The following CERS2 variants were observed in gnomAD, a reference collection of about 807,000 sequenced individuals.
The protein encoded by CERS2 is ceramide synthase 2, also known as LAG1 homolog, ceramide synthase 2.
A neutral mutation model predicts 56.6 loss-of-function variants in CERS2; 20 were observed. The ratio of observed to expected loss-of-function variants is 0.35; its 90% CI spans 0.25 to 0.51. CERS2 has a LOEUF of 0.51. CERS2 is among the 20% of genes least tolerant of loss of function. The probability of loss-of-function intolerance (pLI) is 0.96; values close to 1 mark genes in which losing one functional copy is unlikely to be tolerated. For missense variants in CERS2, 361 were observed against 488.6 expected, an observed-to-expected ratio of 0.74 and a Z score of 2.46; for synonymous variants, 187 against 175.4, an observed-to-expected ratio of 1.07 and a Z score of -0.52.
At position 150,968,951 on chromosome 1, in the gene CERS2, A is replaced by T; in HGVS notation, c.140T>A (p.Leu47Ter). ...SDLYITLPLA[L>*]LFLIVRYFFE... Reference sequence around the variant, plus strand: ...GAAGTATCGAACGATGAGGAAGAGCAAGGCCAGGGGCAGCGTGATATAGAG... The same window carrying T: ...GAAGTATCGAACGATGAGGAAGAGCTAGGCCAGGGGCAGCGTGATATAGAG... The change falls in exon 2 of 11, where the codon TTG (leucine) becomes TAG (stop). Residue 47 changes from leucine to a stop codon, truncating the protein, a stop_gained. Coordinates refer to ENST00000368954, the MANE Select transcript of CERS2 (RefSeq NM_022075.5). LOFTEE classifies it high-confidence loss of function. 1 of 1,613,910 alleles carries T rather than the reference A, an allele frequency of 6.2e-7. No homozygotes were observed. Among genetic ancestry groups the T allele is most frequent in the Middle Eastern group, 1.7e-4 (1 of 5,896 alleles).
rs770652690 is a variant in CERS2 at position 150,968,972 on chromosome 1, T to C, written c.119A>G (p.Tyr40Cys). 19 of 1,613,890 alleles carry C rather than the reference T, an allele frequency of 1.2e-5. No homozygotes were observed. Among genetic ancestry groups the C allele is most frequent in the African/African-American group, 9.4e-5 (7 of 74,862 alleles). ...GRVYAKASDL[Y>C]ITLPLALLFL... ...GAGCAAGGCCAGGGGCAGCGTGATA[T>C]AGAGATCTGAGGCTTTGGCGTAGAC... Residue 40 changes from tyrosine (Y) to cysteine (C), a missense_variant, in exon 2 of 11, where the codon TAT (tyrosine) becomes TGT (cysteine). By Grantham distance (194) the Tyr-to-Cys change is radical (BLOSUM62 -2). Transcript: ENST00000368954.
intron 10 of CERS2, 27 bp from the exon 11 acceptor site, chr1:150,966,315 T>C (rs374080024): frequency 5.8e-5 from 94 of 1,610,380 alleles, no homozygotes; most frequent in Admixed American, 1.0e-4. Flanking sequence ...AGAAGGGTTA[T>C]TACATGAGAT....
Position 150,967,397 on chromosome 1 carries a change from G to T in CERS2, c.607C>A (p.Arg203=). 6.3e-7 allele frequency: 1 copy of T among 1,591,214 alleles called. No homozygotes were observed. The highest frequency in any genetic ancestry group is 8.6e-7 in the Non-Finnish European group (1 of 1,159,274). Residue 203 remains arginine (R), a synonymous_variant, in exon 7 of 11, where the codon CGA becomes AGA. Transcript: ENST00000368954. ...TGCACAACCCCTTCACCCACCTTTC[G>T]CTTGACATCAGAGGCAATGCTGAAG... ...LLFSIASDVK[R]KDFKEQIIHH...
chr1:150,968,358 A>G (rs1271566204), intron 3 of CERS2, 37 bp downstream of exon 3: 1 of 1,558,138 alleles, frequency 6.4e-7, no homozygotes, highest in African/African-American at 1.4e-5. Context: ...CACCAAACTC[A>G]GTGATTCCCA....
Position 150,965,859 on chromosome 1 carries a change from G to A in CERS2, c.*289C>T. ...ATGTGAATTGTAACCCCTACCCACAGAGAGCTGAGGGAGGGCCTCAAAAGC... is the reference window on the plus strand; with the variant it reads ...ATGTGAATTGTAACCCCTACCCACAAAGAGCTGAGGGAGGGCCTCAAAAGC... On this transcript the variant is annotated 3_prime_UTR_variant, in exon 11 of 11. Coordinates refer to ENST00000368954, the MANE Select transcript of CERS2 (RefSeq NM_022075.5). The A allele has an allele frequency of 3.0e-6, 1 of 332,080 alleles. No individual in the cohort carries two copies. The highest frequency in any genetic ancestry group is 4.9e-5 in the Admixed American group (1 of 20,562). 20.6% of individuals were successfully genotyped at this position (332,080 alleles called of 1,614,324 possible). A position where few individuals can be genotyped will look rare whatever the true frequency, so the allele number is the denominator to read the frequency against.
At chr1:150,969,658 G>A (rs1174812041) in intron 1 of CERS2, among the ~76,000 whole-genome samples, 1 of 151,816 alleles carries the variant, frequency 6.6e-6, no homozygotes, top group African/African-American at 2.4e-5. Flanking sequence ...TACAACCTCT[G>A]ATTTCGGGGA....
At chr1:150,968,251 A>T in intron 3 of CERS2, 50 bp from the exon 4 acceptor site, 2 of 1,566,728 alleles carry the variant, frequency 1.3e-6, no homozygotes, top group Non-Finnish European at 1.8e-6. Flanking sequence ...GGAACTCAGC[A>T]GCATCCCCAG....
Position 150,966,496 on chromosome 1 carries a change from G to T in CERS2, c.982C>A (p.His328Asn). ...TTCACCTTTCCAGTTATGAACTTGT[G>T]GGCCATGCGCAAAATGAGGTAGGCC... ...FWAYLILRMA[H>N]KFITGKLVED... is the part of the protein sequence containing the mutation. Residue 328 changes from histidine to asparagine, a missense_variant, in exon 10 of 11, where the codon CAC (histidine) becomes AAC (asparagine). By Grantham distance (68) the His-to-Asn change is moderately conservative (BLOSUM62 1). Coordinates refer to ENST00000368954, the MANE Select transcript of CERS2 (RefSeq NM_022075.5). The T allele has an allele frequency of 6.2e-7, 1 of 1,614,120 alleles. No homozygotes were observed. The highest frequency in any genetic ancestry group is 8.5e-7 in the Non-Finnish European group (1 of 1,180,032).
At chr1:150,969,235 G>T in intron 1 of CERS2, 144 bp from the exon 2 acceptor site, 1 of 677,568 alleles carries the variant, frequency 1.5e-6, no homozygotes, top group South Asian at 1.9e-5. Context: ...TGTAGCCTTG[G>T]GCAAATCAGT....
rs752011069 is a variant in CERS2 at position 150,966,591 on chromosome 1, T to C, written c.887A>G (p.Tyr296Cys). The C allele has an allele frequency of 6.2e-7, 1 of 1,614,022 alleles. No individual in the cohort carries two copies. Reference sequence around the variant, plus strand: ...GAAGTAATAGCCAAAGAAGGCAGGATAGAGCTCCAGTGGGTACACCAGGGT... The same window carrying C: ...GAAGTAATAGCCAAAGAAGGCAGGACAGAGCTCCAGTGGGTACACCAGGGT... ...HCTLVYPLELYPAFFGYYFFN... is the reference protein window; with the variant it reads ...HCTLVYPLELCPAFFGYYFFN... The change falls in exon 10 of 11, where the codon TAT becomes TGT. Residue 296 changes from tyrosine (Y) to cysteine (C), a missense_variant. By Grantham distance (194) the Tyr-to-Cys change is radical. Transcript: ENST00000368954.
chr1:150,971,111 G>C (rs1671169495), intron 1 of CERS2, among the ~76,000 whole-genome samples: 1 of 152,250 alleles, frequency 6.6e-6, no homozygotes, highest in Non-Finnish European at 1.5e-5. Flanking sequence ...GACTCAGCAA[G>C]AAGCCGCAGC....
intron 4 of CERS2, 23 bp downstream of exon 4, chr1:150,968,060 G>A (rs750908983): frequency 3.3e-5 from 52 of 1,599,018 alleles, no homozygotes; most frequent in Non-Finnish European, 4.4e-5. Flanking sequence ...TTGTCACCCA[G>A]CTTCTGCCCC....
chr1:150,971,425 G>A (rs1265534590), intron 1 of CERS2, among the ~76,000 whole-genome samples: 1 of 151,668 alleles, frequency 6.6e-6, no homozygotes, highest in Non-Finnish European at 1.5e-5. Context: ...TCCAGCTCAA[G>A]GACTTTACCC....
chr1:150,974,436 C>T (rs1671268255), intron 1 of CERS2, 183 bp downstream of exon 1: 1 of 149,344 alleles, frequency 6.7e-6, no homozygotes, highest in Non-Finnish European at 1.5e-5. Flanking sequence ...CGGCGGCCGC[C>T]GCCATGAGCG....
At chr1:150,967,735 G>A (rs757679779) in intron 5 of CERS2, 21 bp from the exon 6 acceptor site, 7 of 1,613,206 alleles carry the variant, frequency 4.3e-6, no homozygotes, top group Middle Eastern at 1.6e-4. Context: ...ATGGTGAGAA[G>A]TTAAAAGAGG....
rs770473291 is a variant in CERS2 at position 150,968,038 on chromosome 1, TCAGGATATTCCTTGTCACC to T, written c.410+26_410+44del. ...CGCCTATCCCTCCCAGCAAGACACA[TCAGGATATTCCTTGTCACC>T]CAGCTTCTGCCCCAGCCTCCCCCAC... is the stretch of plus-strand genomic sequence containing the variant. On this transcript the variant is annotated intron_variant, in intron 4 of 10. Transcript: ENST00000368954. The T allele has an allele frequency of 3.2e-6, 5 of 1,559,450 alleles. No individual in the cohort carries two copies. The Admixed American group carries it at 8.3e-5, about 26-fold the overall frequency.
intron 1 of CERS2, among the ~76,000 whole-genome samples, chr1:150,972,832 G>T (rs1396420807): frequency 6.6e-6 from 1 of 152,090 alleles, no homozygotes; most frequent in Non-Finnish European, 1.5e-5. Context: ...CCCCAACTCT[G>T]ACTGACACCC....
intron 1 of CERS2, 25 bp downstream of exon 1, chr1:150,974,594 G>A (rs1225350291): frequency 6.7e-6 from 1 of 149,090 alleles, no homozygotes; most frequent in East Asian, 2.0e-4. Context: ...CGGGGCTCGG[G>A]CGCCGGGCGG....
In CERS2 at chr1:150,968,212, T is replaced by C; in HGVS notation, c.292-11A>G. ...AAGCTCTACTTCCACCTGGGCACAG[T>C]GAAGAAGCCCATTGTTATGTTTACC... On this transcript the variant is annotated splice_polypyrimidine_tract_variant and intron_variant, in intron 3 of 10. Coordinates refer to ENST00000368954, the MANE Select transcript of CERS2 (RefSeq NM_022075.5). 3 of 1,607,442 alleles carry C rather than the reference T, an allele frequency of 1.9e-6. No homozygotes were observed. The highest frequency in any genetic ancestry group is 2.5e-6 in the Non-Finnish European group (3 of 1,178,294).
Sources: gnomAD v4.1 joint callset for allele counts (sites outside exome capture counted in the v4.1 genomes callset) on GRCh38, gnomAD v4.1.1 for gene constraint, MANE v1.5 for transcripts, NCBI Gene and HGNC (gene_info 2026-07-23, HGNC 2026-07-21) for gene names.